The following PITPNC1 variants were observed in gnomAD, a reference collection of about 807,000 sequenced individuals.
PITPNC1 encodes phosphatidylinositol transfer protein cytoplasmic 1.
A neutral mutation model predicts 44.7 loss-of-function variants in PITPNC1; 18 were observed. That is an observed-to-expected ratio of 0.40 (90% CI 0.28 to 0.60). The LOEUF (loss-of-function observed/expected upper bound fraction) is 0.60, where lower values mean the gene tolerates loss of function less well. PITPNC1 is among the 20% of genes least tolerant of loss of function. The pLI is 0.39. For synonymous variants in PITPNC1, 141 were observed against 149.6 expected (o/e 0.94, Z 0.42); for missense variants, 290 against 418.4 (o/e 0.69, Z 2.68).
intron 1 of PITPNC1, 48 bp downstream of exon 1, chr17:67,378,250 G>T: frequency 1.5e-6 from 2 of 1,318,860 alleles, no homozygotes; most frequent in Non-Finnish European, 1.0e-6. Context: ...GACCCCCGCC[G>T]CTACCGCCGC....
intron 1 of PITPNC1, among the ~76,000 whole-genome samples, chr17:67,432,489 G>A (rs1172675724): frequency 6.6e-6 from 1 of 152,168 alleles, no homozygotes; most frequent in Non-Finnish European, 1.5e-5. Flanking sequence ...GAGCGAGAGA[G>A]TGAGACTCCG....
chr17:67,592,012 G>T (rs189523821), intron 5 of PITPNC1, among the ~76,000 whole-genome samples: 1 of 151,494 alleles, frequency 6.6e-6, no homozygotes, highest in Non-Finnish European at 1.5e-5. Flanking sequence ...CACACCCAGC[G>T]CAATGATTTT....
chr17:67,691,102 CAAAT>C (rs71864063), intron 8 of PITPNC1, among the ~76,000 whole-genome samples: 114,584 of 148,944 alleles, frequency 0.77, 44,302 homozygotes, highest in African/African-American at 0.84. Flanking sequence ...GACTCTATCT[CAAAT>C]AAATAAATAA....
intron 1 of PITPNC1, among the ~76,000 whole-genome samples, chr17:67,381,907 T>TGGTGGTGGCG (rs1363004440): frequency 6.6e-6 from 1 of 152,148 alleles, no homozygotes; most frequent in African/African-American, 2.4e-5. Context: ...TTTAACACTC[T>TGGTGGTGGCG]GGTGGTGGCG....
intron 3 of PITPNC1, 77 bp downstream of exon 3, chr17:67,552,422 G>A (rs1219968012): frequency 1.2e-6 from 1 of 851,080 alleles, no homozygotes; most frequent in African/African-American, 1.7e-5. Context: ...CTGATTTACA[G>A]TGGATTATCC....
intron 1 of PITPNC1, 39 bp downstream of exon 1, chr17:67,378,241 ACC>A: frequency 7.3e-7 from 1 of 1,362,978 alleles, no homozygotes; most frequent in Non-Finnish European, 9.6e-7. Flanking sequence ...CCGCTCCGGG[ACC>A]CCCGCCGCTA....
intron 6 of PITPNC1, among the ~76,000 whole-genome samples, chr17:67,664,883 C>T (rs772253892): frequency 2.7e-5 from 4 of 145,592 alleles, no homozygotes; most frequent in South Asian, 2.2e-4. Flanking sequence ...CCAGCCTGGG[C>T]GACAGAGCGA....
At chr17:67,483,635 G>C (rs1276414323) in intron 1 of PITPNC1, among the ~76,000 whole-genome samples, 2 of 152,108 alleles carry the variant, frequency 1.3e-5, no homozygotes, top group Non-Finnish European at 2.9e-5. Context: ...TGATTTCAAA[G>C]ACTGTAAATC....
chr17:67,645,004 G>GTGTGT (rs2042131185), intron 6 of PITPNC1, among the ~76,000 whole-genome samples: 1 of 152,130 alleles, frequency 6.6e-6, no homozygotes, highest in Admixed American at 6.6e-5. Context: ...AATGGCCTCA[G>GTGTGT]AGCAGAGCTT....
At chr17:67,482,352 GT>G (rs912155098) in intron 1 of PITPNC1, among the ~76,000 whole-genome samples, 2 of 151,992 alleles carry the variant, frequency 1.3e-5, no homozygotes, top group Non-Finnish European at 2.9e-5. Context: ...AGCATAGAGA[GT>G]TTTTTTTCCT....
chr17:67,473,580 G>T (rs1392299588), intron 1 of PITPNC1, among the ~76,000 whole-genome samples: 1 of 152,102 alleles, frequency 6.6e-6, no homozygotes, highest in African/African-American at 2.4e-5. Context: ...TGGGATTACA[G>T]GTGTGAGCCA....
intron 1 of PITPNC1, among the ~76,000 whole-genome samples, chr17:67,517,405 C>T (rs1414069531): frequency 1.3e-5 from 2 of 152,094 alleles, no homozygotes; most frequent in African/African-American, 2.4e-5. Flanking sequence ...ACCATGTGAC[C>T]CAGTAATTCC....
intron 1 of PITPNC1, among the ~76,000 whole-genome samples, chr17:67,444,086 C>A (rs1000373886): frequency 1.3e-5 from 2 of 152,148 alleles, no homozygotes; most frequent in East Asian, 3.9e-4. Context: ...CACATGTACC[C>A]ATCATCCAAC....
At chr17:67,528,461 C>T (rs1175180354) in intron 1 of PITPNC1, among the ~76,000 whole-genome samples, 1 of 152,232 alleles carries the variant, frequency 6.6e-6, no homozygotes, top group African/African-American at 2.4e-5. Context: ...ACGATCAATT[C>T]TCAGGCTTTG....
At chr17:67,551,014 C>A (rs1011011492) in intron 2 of PITPNC1, among the ~76,000 whole-genome samples, 3 of 152,120 alleles carry the variant, frequency 2.0e-5, no homozygotes, top group African/African-American at 7.2e-5. Context: ...TGAGCCGAGA[C>A]TGCACCAGTG....
intron 1 of PITPNC1, among the ~76,000 whole-genome samples, chr17:67,383,981 G>A (rs1359623226): frequency 6.6e-6 from 1 of 152,186 alleles, no homozygotes; most frequent in African/African-American, 2.4e-5. Context: ...AGGTTGTGGT[G>A]AGCTGAGATC....
At chr17:67,689,134 G>A (rs573726216) in intron 8 of PITPNC1, among the ~76,000 whole-genome samples, 13 of 152,260 alleles carry the variant, frequency 8.5e-5, no homozygotes, top group South Asian at 8.3e-4. Context: ...CCCAGGAGAT[G>A]GAGGTTGCAG....
intron 8 of PITPNC1, among the ~76,000 whole-genome samples, chr17:67,685,020 A>C (rs1353392356): frequency 6.6e-6 from 1 of 152,264 alleles, no homozygotes; most frequent in East Asian, 1.9e-4. Context: ...GCACCCCCTA[A>C]TGACATATGT....
chr17:67,561,634 T>C (rs1209365574), intron 4 of PITPNC1, among the ~76,000 whole-genome samples: 3 of 152,252 alleles, frequency 2.0e-5, no homozygotes, highest in African/African-American at 4.8e-5. Context: ...TTTGCTAGGT[T>C]GGTGAAGGGG....
Sources: allele counts gnomAD v4.1 joint callset (sites outside exome capture counted in the v4.1 genomes callset), GRCh38; gene constraint gnomAD v4.1.1; transcripts MANE v1.5; gene names NCBI Gene and HGNC (gene_info 2026-07-23, HGNC 2026-07-21).